PP2D1: variants seen among roughly 807,000 people sequenced by gnomAD.
The protein encoded by PP2D1 is protein phosphatase 2C-like domain-containing protein 1.
In PP2D1, 25 loss-of-function variants were observed where a neutral mutation model predicts 30.2. That is an observed-to-expected ratio of 0.83 (90% CI 0.60 to 1.16). PP2D1 has a LOEUF of 1.16. PP2D1 is among the 50% of genes most tolerant of loss of function. PP2D1 has a pLI of 0.00. For missense variants in PP2D1, 760 were observed against 742.4 expected (o/e 1.02, Z -0.28); for synonymous variants, 260 against 258.9 (o/e 1.00, Z -0.04).
At chr3:19,980,659 C>A (rs1377832897), downstream of PP2D1, among the ~76,000 whole-genome samples, 4 of 152,112 alleles carry the variant, frequency 2.6e-5, no homozygotes, top group Non-Finnish European at 4.4e-5. Context: ...CAATCTGGAA[C>A]CTAAGTTGTT....
intron 2 of PP2D1, among the ~76,000 whole-genome samples, chr3:19,996,548 T>C (rs537182199): frequency 1.3e-5 from 2 of 152,098 alleles, no homozygotes; most frequent in South Asian, 2.1e-4. Context: ...TTTCAGAAAA[T>C]TGAAGAGGAA....
intron 2 of PP2D1, among the ~76,000 whole-genome samples, chr3:19,992,929 A>C (rs1455777402): frequency 6.6e-6 from 1 of 152,166 alleles, no homozygotes; most frequent in Non-Finnish European, 1.5e-5. Flanking sequence ...GCTACTTGGG[A>C]GGCTGAGGCA....
At position 20,001,688 on chromosome 3, in the gene PP2D1, T is replaced by C. The variant is rs1161961426; in HGVS notation, c.432A>G (p.Pro144=). 1 of 1,534,896 alleles carries C rather than the reference T, an allele frequency of 6.5e-7. No individual in the cohort carries two copies. Among genetic ancestry groups the C allele is most frequent in the South Asian group, 1.2e-5 (1 of 83,930 alleles). Residue 144 remains proline, a synonymous_variant, in exon 2 of 3, where the codon CCA becomes CCG. Transcript: ENST00000389050. ...AFELLWKKQI[P]AYYKIFDNID... Reference sequence around the variant, plus strand: ...TGTTATCAAAAATCTTATAGTATGCTGGTATTTGTTTTTTCCAAAGCAGCT... The same window carrying C: ...TGTTATCAAAAATCTTATAGTATGCCGGTATTTGTTTTTTCCAAAGCAGCT...
intron 2 of PP2D1, among the ~76,000 whole-genome samples, chr3:19,987,894 C>T (rs764615891): frequency 5.3e-5 from 8 of 152,180 alleles, no homozygotes; most frequent in Admixed American, 4.6e-4. Context: ...TCTATAATTT[C>T]TTACGCATGT....
intron 2 of PP2D1, among the ~76,000 whole-genome samples, chr3:19,994,043 T>TAA (rs140353341): frequency 1.4e-3 from 208 of 146,852 alleles, no homozygotes; most frequent in African/African-American, 1.7e-3. Flanking sequence ...AATTCTGTCT[T>TAA]AAAAAAAAAA....
intron 1 of PP2D1, among the ~76,000 whole-genome samples, chr3:20,003,282 G>A (rs77208726): frequency 0.014 from 2,062 of 151,820 alleles, 42 homozygotes; most frequent in African/African-American, 0.047. Flanking sequence ...TGACAACTCC[G>A]TGTGTTATTG....
At chr3:19,999,500 G>A (rs1226751097) in intron 2 of PP2D1, among the ~76,000 whole-genome samples, 1 of 151,484 alleles carries the variant, frequency 6.6e-6, no homozygotes, top group Non-Finnish European at 1.5e-5. Flanking sequence ...TCCTGCCTCA[G>A]CCTCCTGAGT....
chr3:19,993,517 C>G lies in PP2D1; in HGVS notation c.1091-7335G>C, dbSNP rs775815826. Reference sequence around the variant, plus strand: ...TTGGGAGGCCAAAGCAGGTGGATCACTTAAGGTCAGGAGTTTGAGACCAGC... The same window carrying G: ...TTGGGAGGCCAAAGCAGGTGGATCAGTTAAGGTCAGGAGTTTGAGACCAGC... On this transcript the variant is annotated intron_variant, in intron 2 of 2. Transcript: ENST00000389050. Among the ~76,000 whole-genome samples, 17 of 152,230 alleles carry G rather than the reference C, an allele frequency of 1.1e-4. No homozygotes were observed. The South Asian group carries it at 3.3e-3, about 30-fold the overall frequency.
chr3:19,999,114 T>C (rs1207620086), intron 2 of PP2D1, among the ~76,000 whole-genome samples: 1 of 146,868 alleles, frequency 6.8e-6, no homozygotes, highest in Non-Finnish European at 1.5e-5. Context: ...AGAGTCCTGC[T>C]CTGTTACCAG....
At chr3:19,989,767 C>T (rs17006443) in intron 2 of PP2D1, among the ~76,000 whole-genome samples, 4,027 of 152,186 alleles carry the variant, frequency 0.026, 167 homozygotes, top group African/African-American at 0.091. Context: ...GCTCTGAAAA[C>T]GAAAGGGACA....
At chr3:19,982,369 G>C (rs771421126), downstream of PP2D1, among the ~76,000 whole-genome samples, 3 of 152,196 alleles carry the variant, frequency 2.0e-5, no homozygotes, top group Admixed American at 6.5e-5. Context: ...GTATGTTTGT[G>C]TGTGAGTATG....
Position 20,002,022 on chromosome 3 carries a change from G to C in PP2D1, c.98C>G (p.Pro33Arg). 6.5e-7 allele frequency: 1 copy of C among 1,535,572 alleles called. No homozygotes were observed. Among genetic ancestry groups the C allele is most frequent in the Non-Finnish European group, 8.7e-7 (1 of 1,146,466 alleles). Residue 33 changes from proline to arginine, a missense_variant, in exon 2 of 3, where the codon CCC (proline) becomes CGC (arginine). This residue lies in a region of PP2D1 where 374 missense variants were observed against 388.8 expected (regional missense o/e 0.96). Coordinates refer to ENST00000389050, the MANE Select transcript of PP2D1 (RefSeq NM_001252657.2). ...FDSDEDILLL[P>R]KRKRFRKKKS... Reference sequence around the variant, plus strand: ...TTTCTTTCTAAAACGTTTTCTTTTGGGTAAAAGTAGAATATCCTCATCTGA... The same window carrying C: ...TTTCTTTCTAAAACGTTTTCTTTTGCGTAAAAGTAGAATATCCTCATCTGA...
At chr3:19,990,649 G>C (rs903946237) in intron 2 of PP2D1, among the ~76,000 whole-genome samples, 1 of 152,096 alleles carries the variant, frequency 6.6e-6, no homozygotes, top group Non-Finnish European at 1.5e-5. Flanking sequence ...GGCATATGCT[G>C]TCAGCTACAA....
chr3:20,008,517 A>G lies in PP2D1; in HGVS notation c.23+3533T>C, dbSNP rs1697349422. Among the ~76,000 whole-genome samples, 4 of 152,212 alleles carry G rather than the reference A, an allele frequency of 2.6e-5. No homozygotes were observed. In the South Asian group the frequency reaches 8.3e-4, roughly 32 times the overall value. The stretch of plus-strand genomic sequence containing the variant: ...GGGAGGTGGAGGTTGCAGGGAGCCG[A>G]GATCACGCCATTGCACTCCAGCCCG... On this transcript the variant is annotated intron_variant, in intron 1 of 2. Transcript: ENST00000389050.
chr3:19,983,579 A>C, downstream of PP2D1: 1 of 669,798 alleles, frequency 1.5e-6, no homozygotes, highest in East Asian at 2.8e-5. Context: ...ACATTTGAAA[A>C]GAATGAACAT....
intron 1 of PP2D1, among the ~76,000 whole-genome samples, chr3:20,005,879 C>G (rs533491669): frequency 2.6e-5 from 4 of 152,280 alleles, no homozygotes; most frequent in Admixed American, 6.5e-5. Flanking sequence ...AGCCATTGTA[C>G]TCCAGCCTGG....
downstream of PP2D1, among the ~76,000 whole-genome samples, chr3:19,982,449 C>T: frequency 6.6e-6 from 1 of 152,090 alleles, no homozygotes; most frequent in Non-Finnish European, 1.5e-5. Flanking sequence ...CTTCCTTTGC[C>T]CAAAGCATAG....
downstream of PP2D1, among the ~76,000 whole-genome samples, chr3:19,981,101 C>A (rs907899019): frequency 6.6e-6 from 1 of 152,172 alleles, no homozygotes; most frequent in East Asian, 1.9e-4. Context: ...CTCTTAAAAT[C>A]AGTACTCTTA....
chr3:19,986,416 A>C (rs1171021076), intron 2 of PP2D1, among the ~76,000 whole-genome samples: 2 of 152,214 alleles, frequency 1.3e-5, no homozygotes, highest in Non-Finnish European at 2.9e-5. Flanking sequence ...GTTTAAAACT[A>C]TTACATTTAG....
Sources: allele counts gnomAD v4.1 joint callset (sites outside exome capture counted in the v4.1 genomes callset), GRCh38; gene constraint gnomAD v4.1.1; regional missense constraint gnomAD v4.1.1; transcripts MANE v1.5; gene names NCBI Gene and HGNC (gene_info 2026-07-23, HGNC 2026-07-21).